Variants in NAALADL2 observed in about 807,000 individuals in gnomAD.
The protein encoded by NAALADL2 is N-acetylated alpha-linked acidic dipeptidase like 2.
In NAALADL2, 76 loss-of-function variants were observed where a neutral mutation model predicts 87.2. The ratio of observed to expected loss-of-function variants is 0.87; its 90% CI spans 0.72 to 1.05. The LOEUF is 1.05. Ranked by LOEUF, NAALADL2 falls within the 50% of genes least tolerant of loss-of-function variation. NAALADL2 has a pLI of 0.00. For synonymous variants in NAALADL2, 354 were observed against 331.0 expected, an observed-to-expected ratio of 1.07 and a Z score of -0.75; for missense variants, 1,089 against 945.8, an observed-to-expected ratio of 1.15 and a Z score of -1.99.
At chr3:175,023,959 C>T (rs921536930) in intron 1 of NAALADL2, among the ~76,000 whole-genome samples, 17 of 151,908 alleles carry the variant, frequency 1.1e-4, no homozygotes, top group Non-Finnish European at 2.9e-5. Flanking sequence ...TGAGATTATA[C>T]AATTCTGTGG....
chr3:174,462,090 A>C (rs1716253845), intron 1 of NAALADL2, among the ~76,000 whole-genome samples: 1 of 151,978 alleles, frequency 6.6e-6, no homozygotes, highest in Admixed American at 6.6e-5. Flanking sequence ...ATTTGAAAAT[A>C]TTCTGTCATT....
At chr3:175,652,868 C>T (rs995843658) in intron 11 of NAALADL2, among the ~76,000 whole-genome samples, 2 of 152,096 alleles carry the variant, frequency 1.3e-5, no homozygotes, top group African/African-American at 4.8e-5. Flanking sequence ...GAACTGACTA[C>T]TCATGGGGTT....
At chr3:175,703,730 G>A (rs933714181) in intron 11 of NAALADL2, among the ~76,000 whole-genome samples, 2 of 152,058 alleles carry the variant, frequency 1.3e-5, no homozygotes, top group Admixed American at 6.6e-5. Flanking sequence ...GTGACAGAGC[G>A]AGACTCCATC....
intron 1 of NAALADL2, among the ~76,000 whole-genome samples, chr3:174,997,553 G>A (rs1394068095): frequency 1.3e-5 from 2 of 152,208 alleles, no homozygotes; most frequent in South Asian, 2.1e-4. Flanking sequence ...GGCCGGGCAC[G>A]GTGGCTCATG....
chr3:175,743,702 A>G (rs1398012311), intron 12 of NAALADL2, among the ~76,000 whole-genome samples: 1 of 152,184 alleles, frequency 6.6e-6, no homozygotes, highest in Non-Finnish European at 1.5e-5. Context: ...TGTCATAGTG[A>G]GATCGAAGAA....
intron 4 of NAALADL2, among the ~76,000 whole-genome samples, chr3:175,317,390 T>C (rs1404342243): frequency 6.6e-6 from 1 of 151,806 alleles, no homozygotes; most frequent in Non-Finnish European, 1.5e-5. Context: ...TTTCCTCTGC[T>C]TGTGGAAGAC....
chr3:175,136,837 G>A (rs1729189182), intron 2 of NAALADL2, among the ~76,000 whole-genome samples: 1 of 152,016 alleles, frequency 6.6e-6, no homozygotes, highest in Non-Finnish European at 1.5e-5. Context: ...GTTTCTATAA[G>A]TCAATAAAAA....
chr3:175,394,567 A>T (rs1334978232), intron 5 of NAALADL2, among the ~76,000 whole-genome samples: 1 of 152,198 alleles, frequency 6.6e-6, no homozygotes, highest in Non-Finnish European at 1.5e-5. Flanking sequence ...TTTACACAAC[A>T]TATTGAGAAA....
rs1381124 is a variant in NAALADL2 at position 175,167,713 on chromosome 3, A to G, written c.546-66218A>G. 7.0e-4 allele frequency among the ~76,000 whole-genome samples: 106 copies of G among 152,128 alleles called. No individual in the cohort carries two copies. In the East Asian group the frequency reaches 0.013, roughly 19 times the overall value. On this transcript the variant is annotated intron_variant, in intron 2 of 13. Coordinates refer to ENST00000454872, the MANE Select transcript of NAALADL2 (RefSeq NM_207015.3). Reference sequence around the variant, plus strand: ...TATACGTTCTTAAACCTTGAACAATATCTTCCATCCCCACTTCTCATGCTG... The same window carrying G: ...TATACGTTCTTAAACCTTGAACAATGTCTTCCATCCCCACTTCTCATGCTG...
intron 3 of NAALADL2, among the ~76,000 whole-genome samples, chr3:174,778,467 G>A (rs989036533): frequency 6.6e-6 from 1 of 151,976 alleles, no homozygotes. Context: ...GTTTGGGTTA[G>A]GATGTTATTT....
intron 10 of NAALADL2, among the ~76,000 whole-genome samples, chr3:175,602,307 A>G (rs1268386912): frequency 6.6e-6 from 1 of 152,098 alleles, no homozygotes; most frequent in East Asian, 1.9e-4. Context: ...TTAATGATTA[A>G]TCACTAATTA....
chr3:174,810,240 T>C (rs1008713114), intron 3 of NAALADL2, among the ~76,000 whole-genome samples: 2 of 152,168 alleles, frequency 1.3e-5, no homozygotes, highest in African/African-American at 4.8e-5. Flanking sequence ...TTGAGCTGGG[T>C]AATGGACAGA....
At position 175,808,530 on chromosome 3, in the gene NAALADL2, A is replaced by C. The variant is rs1754896681; in HGVS notation, c.*5327A>C. On this transcript the variant is annotated 3_prime_UTR_variant, in exon 14 of 14. Coordinates refer to ENST00000454872, the MANE Select transcript of NAALADL2 (RefSeq NM_207015.3). Reference sequence around the variant, plus strand: ...GTGCTTACATCTAGACAAAGCTTTAATGAGTGCAGACCCAGCCTAACAGTA... The same window carrying C: ...GTGCTTACATCTAGACAAAGCTTTACTGAGTGCAGACCCAGCCTAACAGTA... 6.6e-6 allele frequency: 1 copy of C among 151,988 alleles called. No individual in the cohort carries two copies. The highest frequency in any genetic ancestry group is 6.6e-5 in the Admixed American group (1 of 15,232). The allele number at this position is 151,988 out of a possible 1,614,324, so 9.4% of individuals were successfully genotyped here. A position where few individuals can be genotyped will look rare whatever the true frequency, so the allele number is the denominator to read the frequency against.
chr3:175,535,196 A>G (rs1352030313), intron 9 of NAALADL2, among the ~76,000 whole-genome samples: 3 of 152,200 alleles, frequency 2.0e-5, no homozygotes, highest in Non-Finnish European at 4.4e-5. Flanking sequence ...TTCTCCTAAT[A>G]TGTTTCCTGT....
intron 2 of NAALADL2, among the ~76,000 whole-genome samples, chr3:175,193,431 C>A (rs1211688164): frequency 1.3e-5 from 2 of 151,698 alleles, no homozygotes; most frequent in Non-Finnish European, 3.0e-5. Flanking sequence ...AGCAGCCATT[C>A]CAAAATTAGC....
At chr3:175,539,564 G>A (rs1257199892) in intron 9 of NAALADL2, among the ~76,000 whole-genome samples, 1 of 151,924 alleles carries the variant, frequency 6.6e-6, no homozygotes, top group African/African-American at 2.4e-5. Context: ...TCATGACTTG[G>A]AGGTCTGGTG....
At chr3:174,752,099 T>C (rs1401547162) in intron 3 of NAALADL2, among the ~76,000 whole-genome samples, 1 of 151,988 alleles carries the variant, frequency 6.6e-6, no homozygotes, top group Non-Finnish European at 1.5e-5. Context: ...TGCCTCAGCC[T>C]CTCGAGTAGC....
chr3:174,711,945 G>A (rs551414617), intron 2 of NAALADL2, among the ~76,000 whole-genome samples: 2 of 151,642 alleles, frequency 1.3e-5, no homozygotes, highest in African/African-American at 4.8e-5. Flanking sequence ...GACTACAGGC[G>A]CATGCCACCA....
chr3:174,499,486 G>A (rs756973987), intron 1 of NAALADL2, among the ~76,000 whole-genome samples: 1 of 151,980 alleles, frequency 6.6e-6, no homozygotes, highest in African/African-American at 2.4e-5. Context: ...ATTATACTAA[G>A]ACAGCTCTGC....
Sources: gnomAD v4.1 joint callset for allele counts (sites outside exome capture counted in the v4.1 genomes callset) on GRCh38, gnomAD v4.1.1 for gene constraint, MANE v1.5 for transcripts, NCBI Gene and HGNC (gene_info 2026-07-23, HGNC 2026-07-21) for gene names.